The following EPAS1 variants were observed in gnomAD, a reference collection of about 807,000 sequenced individuals.
EPAS1 encodes endothelial PAS domain-containing protein 1.
Under a neutral mutation model 87.9 loss-of-function variants are expected in EPAS1, and 23 were observed. That is an observed-to-expected ratio of 0.26 (90% CI 0.19 to 0.37). The LOEUF (loss-of-function observed/expected upper bound fraction) is 0.37. Ranked by LOEUF, EPAS1 falls within the 10% of genes least tolerant of loss-of-function variation. The pLI, the probability that EPAS1 is intolerant of heterozygous loss-of-function variation, is 1.00. For missense variants in EPAS1, 1,138 were observed against 1,120.7 expected, an observed-to-expected ratio of 1.02 and a Z score of -0.22; for synonymous variants, 508 against 444.3, an observed-to-expected ratio of 1.14 and a Z score of -1.80.
At chr2:46,377,350 C>T (rs1039072107) in intron 9 of EPAS1, among the ~76,000 whole-genome samples, 3 of 152,226 alleles carry the variant, frequency 2.0e-5, no homozygotes, top group Non-Finnish European at 4.4e-5. Context: ...ACCCTTGAAG[C>T]CCCATGCTCC....
At chr2:46,298,283 T>C (rs1208242037) in intron 1 of EPAS1, among the ~76,000 whole-genome samples, 3 of 152,150 alleles carry the variant, frequency 2.0e-5, no homozygotes, top group African/African-American at 7.2e-5. Context: ...CGCTTGGAAA[T>C]GTTTGTGGGT....
chr2:46,303,235 T>A (rs577916072), intron 1 of EPAS1, among the ~76,000 whole-genome samples: 1 of 152,120 alleles, frequency 6.6e-6, no homozygotes, highest in Non-Finnish European at 1.5e-5. Flanking sequence ...TTTAAGAGTA[T>A]TATGTGTATT....
At position 46,298,155 on chromosome 2, in the gene EPAS1, G is replaced by C. The variant is rs1426210417; in HGVS notation, c.26+218G>C. Among the ~76,000 whole-genome samples, 3 of 152,158 alleles carry C rather than the reference G, an allele frequency of 2.0e-5. No individual in the cohort carries two copies. The East Asian group carries it at 5.8e-4, about 29-fold the overall frequency. On this transcript the variant is annotated intron_variant, in intron 1 of 15. Coordinates refer to ENST00000263734, the MANE Select transcript of EPAS1 (RefSeq NM_001430.5). Reference sequence around the variant, plus strand: ...ACTTCTGCGGCTCGGAGGAGTCGGGGATTTGCGCGCACGGCGAGGCCAGGA... The same window carrying C: ...ACTTCTGCGGCTCGGAGGAGTCGGGCATTTGCGCGCACGGCGAGGCCAGGA...
chr2:46,319,155 T>C (rs1042844521), intron 1 of EPAS1, among the ~76,000 whole-genome samples: 2 of 152,256 alleles, frequency 1.3e-5, no homozygotes, highest in Non-Finnish European at 2.9e-5. Context: ...AAGTGCCATG[T>C]AGGCCTTTCT....
chr2:46,379,274 T>A (rs1684827077), intron 11 of EPAS1, among the ~76,000 whole-genome samples: 1 of 152,236 alleles, frequency 6.6e-6, no homozygotes, highest in Admixed American at 6.5e-5. Context: ...TTGCAAAAAC[T>A]ATGTAAACAA....
rs1214841281 is a variant in EPAS1, at chr2:46,346,187, TGA to T, written c.27-684_27-683del. On this transcript the variant is annotated intron_variant, in intron 1 of 15. Coordinates refer to ENST00000263734, the MANE Select transcript of EPAS1 (RefSeq NM_001430.5). This position sits in a 1 kb window ranked among gnomAD's most constrained non-coding sequence, Gnocchi z 4.0. ...TTCCATCCTGCAGCAAAGAGGAGAA[TGA>T]GGCTGAGACAGCCTGGCAACCTATG... Among the ~76,000 whole-genome samples the T allele has an allele frequency of 6.6e-6, 1 of 152,184 alleles. No individual in the cohort carries two copies. The highest frequency in any genetic ancestry group is 2.4e-5 in the African/African-American group (1 of 41,438).
intron 1 of EPAS1, among the ~76,000 whole-genome samples, chr2:46,303,180 A>G (rs977318330): frequency 6.6e-6 from 1 of 152,202 alleles, no homozygotes; most frequent in Non-Finnish European, 1.5e-5. Context: ...CATTTCAGGT[A>G]ATAACCGCCC....
chr2:46,381,798 T>G, intron 13 of EPAS1, 76 bp downstream of exon 13: 1 of 1,600,846 alleles, frequency 6.2e-7, no homozygotes, highest in Non-Finnish European at 8.5e-7. Flanking sequence ...GGGGTGGGGA[T>G]GTGGCCCTTC....
chr2:46,339,277 A>G (rs1209491916), intron 1 of EPAS1, among the ~76,000 whole-genome samples: 1 of 152,216 alleles, frequency 6.6e-6, no homozygotes, highest in Non-Finnish European at 1.5e-5. Context: ...CTAAATATGC[A>G]TTACCCTTAT....
rs967868215 is a variant in EPAS1 at position 46,385,842 on chromosome 2, G to A, written c.*1182G>A. 5 of 152,122 alleles carry A rather than the reference G, an allele frequency of 3.3e-5. No individual in the cohort carries two copies. Among genetic ancestry groups the A allele is most frequent in the South Asian group, 2.1e-4 (1 of 4,826 alleles). 9.4% of individuals were successfully genotyped at this position (152,122 alleles called of 1,614,324 possible). ...ATGTGACTCGGATGGTCTTTCACACGGCACATTTGGACATTTCCAGAACTA... is the reference window on the plus strand; with the variant it reads ...ATGTGACTCGGATGGTCTTTCACACAGCACATTTGGACATTTCCAGAACTA... On this transcript the variant is annotated 3_prime_UTR_variant, in exon 16 of 16. Transcript: ENST00000263734.
intron 1 of EPAS1, among the ~76,000 whole-genome samples, chr2:46,299,004 C>G (rs1682941660): frequency 6.6e-6 from 1 of 152,258 alleles, no homozygotes; most frequent in Non-Finnish European, 1.5e-5. Flanking sequence ...GAATCCAACG[C>G]GCGGCCGGCT....
intron 1 of EPAS1, among the ~76,000 whole-genome samples, chr2:46,336,114 T>C (rs1683786679): frequency 6.6e-6 from 1 of 152,124 alleles, no homozygotes; most frequent in Non-Finnish European, 1.5e-5. Flanking sequence ...AAGGCTGGGC[T>C]GGGGATGGAG....
chr2:46,318,011 G>C (rs1460143504), intron 1 of EPAS1, among the ~76,000 whole-genome samples: 1 of 152,180 alleles, frequency 6.6e-6, no homozygotes, highest in Non-Finnish European at 1.5e-5. Context: ...TGCCTGGTTT[G>C]ATCTTCTCAC....
At chr2:46,378,134 A>ATGAC (rs1684800099) in intron 10 of EPAS1, 47 bp downstream of exon 10, 1 of 1,551,824 alleles carries the variant, frequency 6.4e-7, no homozygotes, top group Admixed American at 1.9e-5. Flanking sequence ...CTCCGTATGT[A>ATGAC]TGACTGCTGC....
chr2:46,358,634 C>T (rs954936789), intron 4 of EPAS1, among the ~76,000 whole-genome samples: 3 of 152,214 alleles, frequency 2.0e-5, no homozygotes, highest in Admixed American at 1.3e-4. Flanking sequence ...AAGGCGACAA[C>T]CTTTCAGTTC....
At chr2:46,369,680 T>G (rs1211086565) in intron 6 of EPAS1, 147 bp from the exon 7 acceptor site, 6 of 688,630 alleles carry the variant, frequency 8.7e-6, no homozygotes, top group Non-Finnish European at 1.6e-5. Context: ...GTTCTTTTGC[T>G]TGGATACATG....
chr2:46,379,750 G>A (rs558516411), intron 11 of EPAS1: 2 of 211,198 alleles, frequency 9.5e-6, no homozygotes, highest in South Asian at 8.9e-5. Context: ...GTTACTCTGC[G>A]AGAGTCCACA....
rs138969360 is a variant in EPAS1, at chr2:46,372,320, C to T, written c.886+2387C>T. ...TTGCCCCCGACCCCTGTCTCTCATT[C>T]GTCCTTGAGGTTTTGCAAGTCAAGT... On this transcript the variant is annotated intron_variant, in intron 7 of 15. Transcript: ENST00000263734. Among the ~76,000 whole-genome samples the T allele has an allele frequency of 5.9e-3, 899 of 152,292 alleles. 11 individuals are homozygous for T. The highest frequency in any genetic ancestry group is 0.021 in the African/African-American group (863 of 41,534).
Position 46,375,926 on chromosome 2 carries a change from C to G in EPAS1, c.1034+89C>G, listed in dbSNP as rs920865930. The stretch of plus-strand genomic sequence containing the variant: ...CTCAGGATGACAGGCCTAGGAGATG[C>G]CAGGCCTCTCAGCGCCCTGGGCACC... On this transcript the variant is annotated intron_variant, in intron 8 of 15. Transcript: ENST00000263734. This position sits in a 1 kb window ranked among gnomAD's most constrained non-coding sequence, Gnocchi z 4.1. The G allele has an allele frequency of 5.7e-6, 9 of 1,573,974 alleles. No homozygotes were observed. The highest frequency in any genetic ancestry group is 7.9e-6 in the Non-Finnish European group (9 of 1,146,336).
Sources: gnomAD v4.1 joint callset for allele counts (sites outside exome capture counted in the v4.1 genomes callset) on GRCh38, gnomAD v4.1.1 for gene constraint, Gnocchi (gnomAD v3.1) non-coding constraint, MANE v1.5 for transcripts, NCBI Gene and HGNC (gene_info 2026-07-23, HGNC 2026-07-21) for gene names.